The following XXYLT1 variants were observed in gnomAD, a reference collection of about 807,000 sequenced individuals.
XXYLT1 encodes xyloside xylosyltransferase 1, also known as UDP-xylose:alpha-xyloside alpha-1,3-xylosyltransferase.
A neutral mutation model predicts 28.9 loss-of-function variants in XXYLT1; 20 were observed. That is an observed-to-expected ratio of 0.69 (90% confidence interval 0.49 to 1.00). The LOEUF is 1.00. XXYLT1 is among the 50% of genes least tolerant of loss of function. The pLI is 0.00. For synonymous variants in XXYLT1, 257 were observed against 253.8 expected, an observed-to-expected ratio of 1.01 and a Z score of -0.12; for missense variants, 542 against 560.1, an observed-to-expected ratio of 0.97 and a Z score of 0.33.
intron 1 of XXYLT1, among the ~76,000 whole-genome samples, chr3:195,267,697 A>C (rs757472331): frequency 6.6e-6 from 1 of 152,210 alleles, no homozygotes; most frequent in East Asian, 1.9e-4. Flanking sequence ...AACTGTGATA[A>C]ATGTTACTAA....
chr3:195,154,337 G>A (rs1414603334), intron 3 of XXYLT1, among the ~76,000 whole-genome samples: 1 of 152,092 alleles, frequency 6.6e-6, no homozygotes, highest in Non-Finnish European at 1.5e-5. Context: ...CAAAACGGTG[G>A]CACTAGGAGG....
At chr3:195,244,058 T>A (rs1344463267) in intron 1 of XXYLT1, among the ~76,000 whole-genome samples, 1 of 152,134 alleles carries the variant, frequency 6.6e-6, no homozygotes, top group Non-Finnish European at 1.5e-5. Flanking sequence ...CTCACCCTCA[T>A]CTCCACCTCG....
intron 3 of XXYLT1, among the ~76,000 whole-genome samples, chr3:195,144,455 C>T (rs1247117620): frequency 6.6e-6 from 1 of 152,060 alleles, no homozygotes; most frequent in East Asian, 1.9e-4. Context: ...CGGCTCACTG[C>T]AACCTCCGCC....
Position 195,124,952 on chromosome 3 carries a change from G to T in XXYLT1, c.785+31497C>A, listed in dbSNP as rs1375306067. On this transcript the variant is annotated intron_variant, in intron 3 of 3. Transcript: ENST00000310380. The surrounding 1 kb of genome is among the most constrained non-coding windows in gnomAD (Gnocchi z 4.1). Reference sequence around the variant, plus strand: ...GGTTATTTGAAGGACAGAGGGAAAAGAGCAGTACGAATAAATGGCATCTCA... The same window carrying T: ...GGTTATTTGAAGGACAGAGGGAAAATAGCAGTACGAATAAATGGCATCTCA... Among the ~76,000 whole-genome samples the T allele has an allele frequency of 6.6e-6, 1 of 152,224 alleles. No homozygotes were observed. Among genetic ancestry groups the T allele is most frequent in the African/African-American group, 2.4e-5 (1 of 41,458 alleles).
rs73890730 is a variant in XXYLT1, at chr3:195,195,234, G to A, written c.652+31475C>T. ...ACCGTTCTCATAAATGTTCTCTTAA[G>A]TGAATTCATATAAAGCACTTAGAAC... On this transcript the variant is annotated intron_variant, in intron 2 of 3. Transcript: ENST00000310380. This position sits in a 1 kb window ranked among gnomAD's most constrained non-coding sequence, Gnocchi z 4.4. Among the ~76,000 whole-genome samples, 7,811 of 152,274 alleles carry A rather than the reference G, an allele frequency of 0.051. 614 individuals carry two copies. The highest frequency in any genetic ancestry group is 0.18 in the African/African-American group (7,368 of 41,506).
intron 3 of XXYLT1, among the ~76,000 whole-genome samples, chr3:195,122,359 A>G (rs1219923747): frequency 1.3e-5 from 2 of 152,116 alleles, no homozygotes; most frequent in Middle Eastern, 3.2e-3. Flanking sequence ...TAAGGCTCTG[A>G]TATCTCCCCA....
At chr3:195,259,537 G>A (rs1268041309) in intron 1 of XXYLT1, 1 of 983,620 alleles carries the variant, frequency 1.0e-6, no homozygotes, top group Non-Finnish European at 1.2e-6. Context: ...CAAGCAGGCG[G>A]CCGGGCTCCT....
chr3:195,148,372 A>T (rs1483641343), intron 3 of XXYLT1, among the ~76,000 whole-genome samples: 1 of 152,158 alleles, frequency 6.6e-6, no homozygotes, highest in Non-Finnish European at 1.5e-5. Flanking sequence ...TCACTATTTT[A>T]AAAGGTGGCA....
intron 3 of XXYLT1, among the ~76,000 whole-genome samples, chr3:195,117,916 G>A (rs1284113777): frequency 1.3e-5 from 2 of 152,228 alleles, no homozygotes; most frequent in Non-Finnish European, 2.9e-5. Flanking sequence ...CCAGGAAGAA[G>A]AAATTCACTC....
Position 195,105,998 on chromosome 3 carries a change from C to T in XXYLT1, c.786-35887G>A, listed in dbSNP as rs535447599. ...CTGATTAATGTCGGCAGCATTTCAC[C>T]GGCGCGTAGCATTTAACTATTGACT... On this transcript the variant is annotated intron_variant, in intron 3 of 3. Transcript: ENST00000310380. Among the ~76,000 whole-genome samples the T allele has an allele frequency of 2.8e-4, 42 of 152,160 alleles. 1 individual carries two copies. Among genetic ancestry groups the T allele is most frequent in the South Asian group, 8.3e-4 (4 of 4,832 alleles).
At chr3:195,156,604 A>G (rs757522562) in intron 2 of XXYLT1, 23 bp from the exon 3 acceptor site, 23 of 1,613,286 alleles carry the variant, frequency 1.4e-5, no homozygotes, top group Middle Eastern at 1.6e-4. Context: ...GAAAAGGACA[A>G]TGAGACACAG....
rs553660358 is a variant in XXYLT1 at position 195,249,284 on chromosome 3, G to A, written c.504+21271C>T. The stretch of plus-strand genomic sequence containing the variant: ...AAATCCCTTCCTGTAACTTCAAAAG[G>A]TTACACCCACCAGGCGATGTTCAGG... On this transcript the variant is annotated intron_variant, in intron 1 of 3. Coordinates refer to ENST00000310380, the MANE Select transcript of XXYLT1 (RefSeq NM_152531.5). 6.6e-5 allele frequency among the ~76,000 whole-genome samples: 10 copies of A among 152,182 alleles called. No individual in the cohort carries two copies. The South Asian group carries it at 1.5e-3, about 22-fold the overall frequency.
intron 1 of XXYLT1, chr3:195,270,176 G>A (rs1281355463): frequency 2.0e-6 from 1 of 491,468 alleles, no homozygotes; most frequent in Non-Finnish European, 3.9e-6. Context: ...ATGACTACTG[G>A]TGACCAGTCC....
chr3:195,201,195 T>C (rs1722834531), intron 2 of XXYLT1, among the ~76,000 whole-genome samples: 1 of 152,200 alleles, frequency 6.6e-6, no homozygotes, highest in African/African-American at 2.4e-5. Flanking sequence ...AAGAAGTCAC[T>C]GGACTTCGAG....
At chr3:195,242,102 A>C (rs1230179282) in intron 1 of XXYLT1, among the ~76,000 whole-genome samples, 1 of 152,114 alleles carries the variant, frequency 6.6e-6, no homozygotes. Flanking sequence ...TGCAGGTAGG[A>C]ACGAGCAAAT....
chr3:195,234,309 ATTTTTTTT>A (rs35536915), intron 1 of XXYLT1, among the ~76,000 whole-genome samples: 1 of 66,890 alleles, frequency 1.5e-5, no homozygotes, highest in South Asian at 8.4e-4. Flanking sequence ...TGTTTGAAGG[ATTTTTTTT>A]TTTTTTTTTT....
At chr3:195,117,226 C>T (rs142230265) in intron 3 of XXYLT1, among the ~76,000 whole-genome samples, 43 of 152,192 alleles carry the variant, frequency 2.8e-4, no homozygotes, top group Non-Finnish European at 3.1e-4. Context: ...CATACACACA[C>T]GCGTCCATAT....
intron 1 of XXYLT1, among the ~76,000 whole-genome samples, chr3:195,258,426 C>A (rs1454469972): frequency 6.6e-6 from 1 of 152,198 alleles, no homozygotes; most frequent in Non-Finnish European, 1.5e-5. Flanking sequence ...AATCAAAAAC[C>A]AGTAAGAGGG....
At position 195,124,338 on chromosome 3, in the gene XXYLT1, T is replaced by C. The variant is rs915764228; in HGVS notation, c.785+32111A>G. On this transcript the variant is annotated intron_variant, in intron 3 of 3. Transcript: ENST00000310380. The surrounding 1 kb of genome is among the most constrained non-coding windows in gnomAD (Gnocchi z 4.1). ...TTTTCTACAGGAACTGACCAGATGG[T>C]TGGGGGCTGGACTGAGATGCTTCTG... 6.6e-6 allele frequency among the ~76,000 whole-genome samples: 1 copy of C among 152,222 alleles called. No individual in the cohort carries two copies. Among genetic ancestry groups the C allele is most frequent in the African/African-American group, 2.4e-5 (1 of 41,470 alleles).
Sources: gnomAD v4.1 joint callset for allele counts (sites outside exome capture counted in the v4.1 genomes callset) on GRCh38, gnomAD v4.1.1 for gene constraint, Gnocchi (gnomAD v3.1) non-coding constraint, MANE v1.5 for transcripts, NCBI Gene and HGNC (gene_info 2026-07-23, HGNC 2026-07-21) for gene names.